Variants in EIF4G3 observed in about 807,000 individuals in gnomAD.
EIF4G3 encodes eIF-4-gamma 3.
EIF4G3 carries 34 observed loss-of-function variants against 186.4 expected under a neutral mutation model. The ratio of observed to expected loss-of-function variants is 0.18; its 90% CI spans 0.14 to 0.24. EIF4G3 has a LOEUF of 0.24. EIF4G3 is among the 10% of genes least tolerant of loss of function. The probability of loss-of-function intolerance (pLI) is 1.00; values close to 1 mark genes in which losing one functional copy is unlikely to be tolerated. For missense variants in EIF4G3, 1,536 were observed against 1,948.5 expected (o/e 0.79, Z 3.99); for synonymous variants, 673 against 679.5 (o/e 0.99, Z 0.15).
At chr1:21,051,582 T>C (rs983899517) in intron 3 of EIF4G3, among the ~76,000 whole-genome samples, 3 of 152,216 alleles carry the variant, frequency 2.0e-5, no homozygotes, top group Non-Finnish European at 2.9e-5. Context: ...CCAGATGCTG[T>C]GGCTTATGCC....
At chr1:20,887,382 G>C (rs4654884) in intron 18 of EIF4G3, among the ~76,000 whole-genome samples, 1 of 152,102 alleles carries the variant, frequency 6.6e-6, no homozygotes, top group African/African-American at 2.4e-5. Flanking sequence ...AAAAAGTCTA[G>C]ACTTTAATGT....
At chr1:20,844,542 C>T (rs1208583282) in intron 29 of EIF4G3, among the ~76,000 whole-genome samples, 2 of 151,748 alleles carry the variant, frequency 1.3e-5, no homozygotes, top group African/African-American at 4.8e-5. Context: ...AGATGCTGCA[C>T]ATAAGACCTT....
At chr1:20,909,983 A>G (rs2092930070) in intron 14 of EIF4G3, among the ~76,000 whole-genome samples, 1 of 151,908 alleles carries the variant, frequency 6.6e-6, no homozygotes, top group South Asian at 2.1e-4. Context: ...GTCTCTTACC[A>G]TGTTGTCCAG....
chr1:21,164,328 G>A (rs1003257183), intron 2 of EIF4G3, among the ~76,000 whole-genome samples: 3 of 152,004 alleles, frequency 2.0e-5, no homozygotes, highest in Admixed American at 6.6e-5. Context: ...CTTGTTTTCC[G>A]GGCATAAAAA....
chr1:20,969,533 C>T lies in EIF4G3; in HGVS notation c.655G>A (p.Gly219Ser). The change falls in exon 12 of 37, where the codon GGC becomes AGC. Residue 219 changes from glycine (G) to serine (S), a missense_variant. Transcript: ENST00000602326. ...DITEEIMSGG[G>S]SRNPTPPIGR... ...ATGGGTGGAGTAGGATTTCTGCTGC[C>T]ACCTCCAGACATAATCTCCTCTGTT... The T allele has an allele frequency of 6.2e-7, 1 of 1,613,898 alleles. No homozygotes were observed. Among genetic ancestry groups the T allele is most frequent in the South Asian group, 1.1e-5 (1 of 91,084 alleles).
intron 2 of EIF4G3, among the ~76,000 whole-genome samples, chr1:21,136,815 T>C (rs901163825): frequency 6.6e-5 from 10 of 152,188 alleles, no homozygotes; most frequent in African/African-American, 1.9e-4. Context: ...CACTTGAATA[T>C]ATTACAGAAC....
intron 20 of EIF4G3, among the ~76,000 whole-genome samples, chr1:20,870,644 A>T (rs2078927879): frequency 6.6e-6 from 1 of 152,218 alleles, no homozygotes; most frequent in Non-Finnish European, 1.5e-5. Context: ...ACAGCAATTT[A>T]AAGTTTCAAT....
chr1:20,930,910 T>C (rs1274378957), intron 14 of EIF4G3, among the ~76,000 whole-genome samples: 4 of 152,108 alleles, frequency 2.6e-5, no homozygotes, highest in African/African-American at 7.2e-5. Flanking sequence ...TCTCCTCTTT[T>C]GTGCAGATGA....
At chr1:21,091,638 T>C (rs2096204854) in intron 2 of EIF4G3, among the ~76,000 whole-genome samples, 1 of 152,208 alleles carries the variant, frequency 6.6e-6, no homozygotes, top group Non-Finnish European at 1.5e-5. Flanking sequence ...GGAATGTTCT[T>C]CCATTTGTTT....
intron 2 of EIF4G3, among the ~76,000 whole-genome samples, chr1:21,166,766 A>AG (rs1330460917): frequency 6.6e-6 from 1 of 151,958 alleles, no homozygotes; most frequent in African/African-American, 2.4e-5. Flanking sequence ...AAATGAATTA[A>AG]GGGTTTTTTT....
In EIF4G3 at chr1:20,807,214, T is replaced by C; in HGVS notation, c.*105A>G. On this transcript the variant is annotated 3_prime_UTR_variant, in exon 37 of 37. Coordinates refer to ENST00000602326, the MANE Select transcript of EIF4G3 (RefSeq NM_001391906.1). The stretch of plus-strand genomic sequence containing the variant: ...TCTCCCACTCGTGCACACGTGGGGG[T>C]TTCTGCGAGAATTGGCCTTGCTGCA... The C allele has an allele frequency of 3.8e-6, 4 of 1,051,068 alleles. No homozygotes were observed. Among genetic ancestry groups the C allele is most frequent in the Non-Finnish European group, 5.4e-6 (4 of 739,992 alleles). The allele number at this position is 1,051,068 out of a possible 1,614,324, so 65.1% of individuals were successfully genotyped here. A position where few individuals can be genotyped will look rare whatever the true frequency, so the allele number is the denominator to read the frequency against.
chr1:20,913,691 TATTTGTTAC>T (rs910179580), intron 14 of EIF4G3, among the ~76,000 whole-genome samples: 2 of 152,168 alleles, frequency 1.3e-5, no homozygotes, highest in Non-Finnish European at 2.9e-5. Context: ...GTTTTCTTGT[TATTTGTTAC>T]ATTTGTTTCC....
chr1:20,862,638 C>G (rs2076616734), intron 22 of EIF4G3, among the ~76,000 whole-genome samples: 1 of 152,094 alleles, frequency 6.6e-6, no homozygotes, highest in Admixed American at 6.6e-5. Flanking sequence ...GTCTTGAACT[C>G]CTGGGCTCAA....
intron 14 of EIF4G3, among the ~76,000 whole-genome samples, chr1:20,931,854 G>A (rs2095326171): frequency 6.6e-6 from 1 of 151,956 alleles, no homozygotes; most frequent in South Asian, 2.1e-4. Context: ...GAACCCGGGA[G>A]GCGGAGGTTG....
chr1:21,004,092 G>A (rs955452119), intron 4 of EIF4G3, among the ~76,000 whole-genome samples: 2 of 152,158 alleles, frequency 1.3e-5, no homozygotes, highest in East Asian at 3.8e-4. Flanking sequence ...TTGCTACGGT[G>A]TGCTTTCCTT....
intron 10 of EIF4G3, among the ~76,000 whole-genome samples, chr1:20,979,493 A>G (rs950071962): frequency 3.9e-5 from 6 of 152,238 alleles, no homozygotes; most frequent in African/African-American, 1.4e-4. Context: ...CTACTAAGAA[A>G]GACATTAACA....
At chr1:20,878,742 A>G (rs2081525320) in intron 20 of EIF4G3, among the ~76,000 whole-genome samples, 1 of 152,240 alleles carries the variant, frequency 6.6e-6, no homozygotes, top group African/African-American at 2.4e-5. Context: ...ACTGTGGAAT[A>G]GAGGACAATG....
At chr1:21,081,315 C>T (rs1349793330) in intron 3 of EIF4G3, among the ~76,000 whole-genome samples, 1 of 152,158 alleles carries the variant, frequency 6.6e-6, no homozygotes, top group Non-Finnish European at 1.5e-5. Context: ...CACCTGTAGT[C>T]CCAGCTACTC....
At chr1:21,014,558 T>C (rs6689852) in intron 4 of EIF4G3, among the ~76,000 whole-genome samples, 66,350 of 151,546 alleles carry the variant, frequency 0.44, 14,907 homozygotes, top group Non-Finnish European at 0.47. Flanking sequence ...CACTTGTAAG[T>C]GACAAGATGC....
Sources: gnomAD v4.1 joint callset for allele counts (sites outside exome capture counted in the v4.1 genomes callset) on GRCh38, gnomAD v4.1.1 for gene constraint, MANE v1.5 for transcripts, NCBI Gene and HGNC (gene_info 2026-07-23, HGNC 2026-07-21) for gene names.